Variants in BMPR2 observed in about 807,000 individuals in gnomAD.
The protein encoded by BMPR2 is bone morphogenetic protein receptor type-2.
Under a neutral mutation model 100.8 loss-of-function variants are expected in BMPR2, and 29 were observed. The observed-to-expected ratio is 0.29, with a 90% confidence interval of 0.21 to 0.39. The LOEUF is 0.39. BMPR2 is among the 10% of genes least tolerant of loss of function. BMPR2 has a pLI of 1.00. For missense variants in BMPR2, 1,011 were observed against 1,274.5 expected, an observed-to-expected ratio of 0.79 and a Z score of 3.15; for synonymous variants, 382 against 442.3, an observed-to-expected ratio of 0.86 and a Z score of 1.71.
At chr2:202,478,223 T>C (rs1692587955) in intron 3 of BMPR2, among the ~76,000 whole-genome samples, 1 of 152,182 alleles carries the variant, frequency 6.6e-6, no homozygotes, top group African/African-American at 2.4e-5. Flanking sequence ...CAAAGTGCTG[T>C]CTAGTATTCC....
At chr2:202,531,547 A>C (rs1688028641) in intron 8 of BMPR2, among the ~76,000 whole-genome samples, 1 of 152,222 alleles carries the variant, frequency 6.6e-6, no homozygotes, top group Admixed American at 6.5e-5. Flanking sequence ...ACAGTGTGGA[A>C]CGTATCCTTC....
intron 1 of BMPR2, among the ~76,000 whole-genome samples, chr2:202,425,698 G>C (rs975185768): frequency 6.6e-6 from 1 of 151,976 alleles, no homozygotes; most frequent in South Asian, 2.1e-4. Flanking sequence ...TGAAACATCT[G>C]AAAAAATAAA....
chr2:202,421,710 G>A (rs1212289578), intron 1 of BMPR2, among the ~76,000 whole-genome samples: 13 of 148,282 alleles, frequency 8.8e-5, no homozygotes, highest in Admixed American at 1.4e-4. Flanking sequence ...TAGACTAGAA[G>A]CTTCCCTTTC....
Position 202,376,536 on chromosome 2 carries a change from G to GGCGGCGGCGGCA in BMPR2, c.-936_-925dup, listed in dbSNP as rs1559286299. On this transcript the variant is annotated 5_prime_UTR_variant, in exon 1 of 13. Transcript: ENST00000374580. ...AGGCGGCGGCGGCGGCGGCGGCGGC[G>GGCGGCGGCGGCA]GCGGCGGCGGCAGCAGCAGCGGCTT... Among the ~76,000 whole-genome samples the GGCGGCGGCGGCA allele has an allele frequency of 2.1e-5, 3 of 142,562 alleles. No individual in the cohort carries two copies. The highest frequency in any genetic ancestry group is 4.6e-5 in the Non-Finnish European group (3 of 65,546). The allele number at this position is 142,562 out of a possible 152,430, so 93.5% of individuals were successfully genotyped here. A position where few individuals can be genotyped will look rare whatever the true frequency, so the allele number is the denominator to read the frequency against.
intron 1 of BMPR2, among the ~76,000 whole-genome samples, chr2:202,454,273 G>A (rs1290136382): frequency 5.3e-5 from 8 of 152,012 alleles, no homozygotes; most frequent in East Asian, 1.9e-4. Flanking sequence ...GTTTTGCCAC[G>A]TTGCCCAGGC....
chr2:202,449,595 C>T (rs573326613), intron 1 of BMPR2, among the ~76,000 whole-genome samples: 1 of 152,268 alleles, frequency 6.6e-6, no homozygotes, highest in African/African-American at 2.4e-5. Context: ...ACCCATGACC[C>T]AATAAAAACT....
intron 1 of BMPR2, among the ~76,000 whole-genome samples, chr2:202,448,128 A>G (rs1473471407): frequency 6.7e-6 from 1 of 148,318 alleles, no homozygotes; most frequent in African/African-American, 2.6e-5. Flanking sequence ...ACCCACACCT[A>G]ATAATAAGTA....
intron 1 of BMPR2, among the ~76,000 whole-genome samples, chr2:202,432,472 C>T (rs1691525176): frequency 6.7e-6 from 1 of 150,264 alleles, no homozygotes; most frequent in African/African-American, 2.5e-5. Context: ...TTAACATTTA[C>T]TGGATGGAAT....
At chr2:202,549,913 G>T (rs769392541) in intron 10 of BMPR2, among the ~76,000 whole-genome samples, 4 of 151,802 alleles carry the variant, frequency 2.6e-5, no homozygotes, top group Non-Finnish European at 5.9e-5. Flanking sequence ...TTTTTTGGGG[G>T]TGGTGGAGGG....
intron 9 of BMPR2, among the ~76,000 whole-genome samples, chr2:202,538,294 A>C (rs1187438805): frequency 1.3e-5 from 2 of 151,596 alleles, no homozygotes; most frequent in African/African-American, 4.9e-5. Flanking sequence ...TCTCTACTAA[A>C]AATATTTAAA....
chr2:202,465,760 G>T (rs539008822), intron 2 of BMPR2, among the ~76,000 whole-genome samples: 194 of 152,232 alleles, frequency 1.3e-3, no homozygotes, highest in African/African-American at 4.5e-3. Context: ...GGCTGAGGCA[G>T]GAGAATGGCA....
intron 3 of BMPR2, among the ~76,000 whole-genome samples, chr2:202,491,606 C>T (rs944600476): frequency 4.6e-5 from 7 of 151,736 alleles, no homozygotes; most frequent in Non-Finnish European, 7.4e-5. Flanking sequence ...GTATTTTTAG[C>T]GGAGACCAGG....
intron 1 of BMPR2, among the ~76,000 whole-genome samples, chr2:202,461,263 G>A (rs761020002): frequency 7.2e-5 from 11 of 152,180 alleles, no homozygotes; most frequent in Non-Finnish European, 1.5e-4. Context: ...CAAGGTGGGT[G>A]GATCACCTGA....
In BMPR2 at chr2:202,518,903, G is replaced by A; in HGVS notation, c.703G>A (p.Ala235Thr). 1 of 1,614,160 alleles carries A rather than the reference G, an allele frequency of 6.2e-7. No individual in the cohort carries two copies. Among genetic ancestry groups the A allele is most frequent in the Non-Finnish European group, 8.5e-7 (1 of 1,180,042 alleles). The change falls in exon 6 of 13, where the codon GCA (alanine) becomes ACA (threonine). Residue 235 changes from alanine to threonine, a missense_variant. Physicochemically the swap from Ala to Thr is moderately conservative, Grantham distance 58. Transcript: ENST00000374580. ...RPVAVKVFSF[A>T]NRQNFINEKN... The stretch of plus-strand genomic sequence containing the variant: ...AGTTGCTGTAAAAGTGTTTTCCTTT[G>A]CAAACCGTCAGAATTTTATCAACGA...
chr2:202,408,092 C>T (rs1035349186), intron 1 of BMPR2, among the ~76,000 whole-genome samples: 1 of 152,092 alleles, frequency 6.6e-6, no homozygotes, highest in African/African-American at 2.4e-5. Flanking sequence ...CTCTGCCTCC[C>T]AAAGTGCTGG....
At chr2:202,391,635 G>A (rs1690551391) in intron 1 of BMPR2, among the ~76,000 whole-genome samples, 1 of 151,598 alleles carries the variant, frequency 6.6e-6, no homozygotes, top group Non-Finnish European at 1.5e-5. Flanking sequence ...CACCCAGGCT[G>A]GAGTGCAGTG....
intron 3 of BMPR2, among the ~76,000 whole-genome samples, chr2:202,470,158 A>G (rs1039093377): frequency 3.3e-5 from 5 of 151,972 alleles, no homozygotes; most frequent in Non-Finnish European, 7.4e-5. Flanking sequence ...CCTGGCCAAC[A>G]TGGTGAAACC....
intron 3 of BMPR2, among the ~76,000 whole-genome samples, chr2:202,494,514 G>A (rs955810126): frequency 6.6e-6 from 1 of 152,240 alleles, no homozygotes; most frequent in Non-Finnish European, 1.5e-5. Flanking sequence ...CAATGAGACA[G>A]ACAGAGGTTC....
chr2:202,389,189 C>T (rs1690495051), intron 1 of BMPR2, among the ~76,000 whole-genome samples: 2 of 151,872 alleles, frequency 1.3e-5, no homozygotes, highest in Admixed American at 1.3e-4. Flanking sequence ...CATGCCACTG[C>T]ACTTCAGCTT....
Sources: gnomAD v4.1 joint callset for allele counts (sites outside exome capture counted in the v4.1 genomes callset) on GRCh38, gnomAD v4.1.1 for gene constraint, MANE v1.5 for transcripts, NCBI Gene and HGNC (gene_info 2026-07-23, HGNC 2026-07-21) for gene names.